The following TAS2R1 variants were observed in gnomAD, a reference collection of about 807,000 sequenced individuals.
TAS2R1 encodes taste receptor type 2 member 1.
For missense variants in TAS2R1, 370 were observed against 353.4 expected, an observed-to-expected ratio of 1.05 and a Z score of -0.38; for synonymous variants, 141 against 134.2, an observed-to-expected ratio of 1.05 and a Z score of -0.35.
At chr5:9,673,448 T>C (rs902533977) in intron 1 of TAS2R1, among the ~76,000 whole-genome samples, 6 of 152,124 alleles carry the variant, frequency 3.9e-5, no homozygotes, top group Non-Finnish European at 8.8e-5. Flanking sequence ...CTTTTACTTA[T>C]TTTATAATTT....
the TAS2R1 span, among the ~76,000 whole-genome samples, chr5:9,845,295 G>A: frequency 6.6e-6 from 1 of 152,154 alleles, no homozygotes; most frequent in Non-Finnish European, 1.5e-5. Context: ...ATCTTCGTGG[G>A]TATTATTGGT....
At chr5:9,899,562 G>A in the TAS2R1 span, among the ~76,000 whole-genome samples, 7 of 151,714 alleles carry the variant, frequency 4.6e-5, no homozygotes, top group Admixed American at 1.3e-4. Context: ...GCTTGAACCC[G>A]GGAGGTGGAG....
chr5:9,688,194 A>T (rs556907941), intron 1 of TAS2R1, among the ~76,000 whole-genome samples: 67 of 152,216 alleles, frequency 4.4e-4, no homozygotes, highest in Non-Finnish European at 7.3e-4. Flanking sequence ...GATTTGACAT[A>T]GTGTGTCTAT....
intron 2 of TAS2R1, chr5:9,658,466 A>G (rs910755514): frequency 3.3e-5 from 5 of 152,184 alleles, no homozygotes; most frequent in Admixed American, 6.5e-5. Context: ...CCATCCCAAG[A>G]GAGTAGTTGG....
At chr5:9,867,397 AG>A in the TAS2R1 span, among the ~76,000 whole-genome samples, 49 of 152,314 alleles carry the variant, frequency 3.2e-4, 2 homozygotes, top group South Asian at 9.3e-3. Context: ...TCATGGTGGA[AG>A]GCAAAGAAAG....
the TAS2R1 span, among the ~76,000 whole-genome samples, chr5:9,758,927 C>A: frequency 1.1e-4 from 16 of 152,248 alleles, no homozygotes; most frequent in Non-Finnish European, 1.9e-4. Flanking sequence ...GTTTTACTTT[C>A]CTCATGAATT....
At chr5:9,648,887 C>T (rs1470174894) in intron 2 of TAS2R1, among the ~76,000 whole-genome samples, 2 of 152,100 alleles carry the variant, frequency 1.3e-5, no homozygotes, top group African/African-American at 4.8e-5. Context: ...CTGTCTCCAA[C>T]TTTTCTCATC....
chr5:9,678,544 A>G lies in TAS2R1; in HGVS notation c.-241-18963T>C, dbSNP rs189655724. Among the ~76,000 whole-genome samples, 492 of 152,328 alleles carry G rather than the reference A, an allele frequency of 3.2e-3. 1 individual carries two copies. The highest frequency in any genetic ancestry group is 0.011 in the African/African-American group (474 of 41,580). On this transcript the variant is annotated intron_variant, in intron 1 of 2. Coordinates refer to the TAS2R1 transcript ENST00000506620. ...ATGGAATCAACCCAAATGCCCATCA[A>G]TGACAGACTGGATAAAGAAAATGTG...
At chr5:9,713,453 G>A (rs536383268), upstream of TAS2R1, among the ~76,000 whole-genome samples, 1 of 152,046 alleles carries the variant, frequency 6.6e-6, no homozygotes, top group Non-Finnish European at 1.5e-5. Context: ...TCTTCTGCTG[G>A]TCATAATTAT....
the TAS2R1 span, among the ~76,000 whole-genome samples, chr5:9,809,987 A>G: frequency 3.3e-5 from 5 of 151,616 alleles, no homozygotes; most frequent in African/African-American, 1.2e-4. Flanking sequence ...TTTACATGGA[A>G]CCTCTCTCCC....
the TAS2R1 span, among the ~76,000 whole-genome samples, chr5:9,792,044 T>A: frequency 2.0e-5 from 3 of 152,166 alleles, no homozygotes; most frequent in African/African-American, 7.2e-5. Context: ...AACAAGGACT[T>A]CGGATTTGAT....
intron 2 of TAS2R1, among the ~76,000 whole-genome samples, chr5:9,648,828 A>G (rs1219413065): frequency 6.6e-6 from 1 of 152,142 alleles, no homozygotes; most frequent in East Asian, 1.9e-4. Flanking sequence ...CCACAGGCTC[A>G]TGAAGAGGAA....
the TAS2R1 span, among the ~76,000 whole-genome samples, chr5:9,825,055 A>G: frequency 7.6e-4 from 116 of 152,332 alleles, no homozygotes; most frequent in Non-Finnish European, 2.4e-4. Context: ...GCAGGCTTTC[A>G]CTAATCTCCA....
At chr5:9,666,623 G>A (rs1457029324) in intron 1 of TAS2R1, among the ~76,000 whole-genome samples, 1 of 152,052 alleles carries the variant, frequency 6.6e-6, no homozygotes, top group Non-Finnish European at 1.5e-5. Context: ...AAAATAGGTG[G>A]TGCATCTTCC....
Position 9,629,879 on chromosome 5 carries a change from C to A in TAS2R1, c.154G>T (p.Ala52Ser), listed in dbSNP as rs760083467. 3 of 1,613,844 alleles carry A rather than the reference C, an allele frequency of 1.9e-6. No homozygotes were observed. The highest frequency in any genetic ancestry group is 2.5e-6 in the Non-Finnish European group (3 of 1,179,986). Residue 52 changes from alanine to serine, a missense_variant, in exon 1 of 1, where the codon GCA becomes TCA. Coordinates refer to ENST00000382492, the MANE Select transcript of TAS2R1 (RefSeq NM_019599.3). ...AACTGCAGAAAAATTCTAGAAACTGCCAGACAAGAAAGAAGGAGATCCAGC... is the reference window on the plus strand; with the variant it reads ...AACTGCAGAAAAATTCTAGAAACTGACAGACAAGAAAGAAGGAGATCCAGC... ...APLDLLLSCL[A>S]VSRIFLQLFI...
At chr5:9,637,368 T>C (rs1210743388) in intron 2 of TAS2R1, among the ~76,000 whole-genome samples, 1 of 152,192 alleles carries the variant, frequency 6.6e-6, no homozygotes, top group Non-Finnish European at 1.5e-5. Flanking sequence ...GATTCTTTCC[T>C]TTGTCTTGAC....
At chr5:9,795,953 G>A in the TAS2R1 span, among the ~76,000 whole-genome samples, 1 of 152,098 alleles carries the variant, frequency 6.6e-6, no homozygotes, top group Non-Finnish European at 1.5e-5. Flanking sequence ...ACATTTCCCA[G>A]GTCCTCTCCC....
At chr5:9,876,220 A>C in the TAS2R1 span, among the ~76,000 whole-genome samples, 1 of 151,862 alleles carries the variant, frequency 6.6e-6, no homozygotes, top group South Asian at 2.1e-4. Context: ...ATGGAGGAGG[A>C]AAGGACGACA....
intron 1 of TAS2R1, among the ~76,000 whole-genome samples, chr5:9,669,373 C>T (rs761839360): frequency 2.6e-5 from 4 of 152,056 alleles, no homozygotes; most frequent in East Asian, 1.9e-4. Flanking sequence ...AACTAACAAA[C>T]GTTTTCAGGA....
Sources: gnomAD v4.1 joint callset for allele counts (sites outside exome capture counted in the v4.1 genomes callset) on GRCh38, gnomAD v4.1.1 for gene constraint, MANE v1.5 for transcripts, NCBI Gene and HGNC (gene_info 2026-07-23, HGNC 2026-07-21) for gene names.